The following SSU72 variants were observed in gnomAD, a reference collection of about 807,000 sequenced individuals.
SSU72 encodes SSU72 homolog, RNA polymerase II CTD phosphatase.
Under a neutral mutation model 22.7 loss-of-function variants are expected in SSU72, and 12 were observed. That is an observed-to-expected ratio of 0.53 (90% CI 0.34 to 0.86). The LOEUF is 0.86. SSU72 is among the 40% of genes least tolerant of loss of function. SSU72 has a pLI of 0.02. For synonymous variants in SSU72, 116 were observed against 98.3 expected (o/e 1.18, Z -1.06); for missense variants, 151 against 249.8 (o/e 0.60, Z 2.67).
chr1:1,557,155 G>A (rs1461372609), intron 2 of SSU72, among the ~76,000 whole-genome samples: 1 of 152,202 alleles, frequency 6.6e-6, no homozygotes, highest in Non-Finnish European at 1.5e-5. Context: ...GCTCACACCT[G>A]TAATCCCAGG....
At chr1:1,570,040 T>C (rs1486049670) in intron 1 of SSU72, among the ~76,000 whole-genome samples, 3 of 152,080 alleles carry the variant, frequency 2.0e-5, no homozygotes, top group African/African-American at 7.2e-5. Flanking sequence ...TTTCCCAGTG[T>C]AACAGAAAAG....
intron 2 of SSU72, among the ~76,000 whole-genome samples, chr1:1,546,977 C>T (rs1262835275): frequency 1.3e-5 from 2 of 151,320 alleles, no homozygotes; most frequent in Non-Finnish European, 2.9e-5. Context: ...TTGCAGTGAG[C>T]TGAGATCGTG....
intron 2 of SSU72, 58 bp from the exon 3 acceptor site, chr1:1,545,060 G>A (rs1039403873): frequency 5.1e-6 from 8 of 1,578,030 alleles, no homozygotes; most frequent in Non-Finnish European, 2.6e-6. Flanking sequence ...AAGCCTGGAA[G>A]CGCCTGTGTC....
intron 2 of SSU72, chr1:1,563,537 C>CAAAAAAAA (rs59029136): frequency 1.5e-5 from 1 of 64,866 alleles, no homozygotes; most frequent in Non-Finnish European, 3.2e-5. Flanking sequence ...GACTCCATCT[C>CAAAAAAAA]AAAAAAAAAA....
intron 1 of SSU72, among the ~76,000 whole-genome samples, chr1:1,572,742 C>G (rs953883642): frequency 6.6e-6 from 1 of 151,416 alleles, no homozygotes; most frequent in Non-Finnish European, 1.5e-5. Context: ...CAGGTGTGAG[C>G]CACTGCGCCC....
chr1:1,544,475 G>C (rs1012970523), intron 3 of SSU72, among the ~76,000 whole-genome samples: 22 of 152,158 alleles, frequency 1.4e-4, no homozygotes, highest in Non-Finnish European at 2.6e-4. Flanking sequence ...AAAATCAGCT[G>C]GGTGTGGTGG....
chr1:1,543,615 C>T (rs1376975283), intron 4 of SSU72, among the ~76,000 whole-genome samples: 1 of 152,118 alleles, frequency 6.6e-6, no homozygotes, highest in Admixed American at 6.5e-5. Flanking sequence ...GTCACGGCCT[C>T]GGCCACTCCC....
intron 1 of SSU72, among the ~76,000 whole-genome samples, chr1:1,565,448 AACTGAAAGGACTG>A (rs1269744542): frequency 6.6e-6 from 1 of 152,186 alleles, no homozygotes; most frequent in African/African-American, 2.4e-5. Context: ...CTTTACTTTA[AACTGAAAGGACTG>A]ACTGATGTGG....
chr1:1,561,565 T>TGCACCC (rs1424565771), intron 2 of SSU72: 1 of 152,302 alleles, frequency 6.6e-6, no homozygotes, highest in African/African-American at 2.4e-5. Flanking sequence ...GCGGCCCCCC[T>TGCACCC]GCACCCATCA....
At chr1:1,564,984 G>C in intron 1 of SSU72, 68 bp from the exon 2 acceptor site, 2 of 1,519,368 alleles carry the variant, frequency 1.3e-6, no homozygotes, top group East Asian at 2.3e-5. Flanking sequence ...GCAAGGGACA[G>C]CAAATGGGAT....
chr1:1,571,102 G>A (rs1225803631), intron 1 of SSU72, among the ~76,000 whole-genome samples: 3 of 152,092 alleles, frequency 2.0e-5, no homozygotes, highest in Non-Finnish European at 4.4e-5. Context: ...AAAATTAGCC[G>A]GGCGTGGTAG....
At position 1,554,153 on chromosome 1, in the gene SSU72, C is replaced by T. The variant is rs544980191; in HGVS notation, c.225-9151G>A. On this transcript the variant is annotated intron_variant, in intron 2 of 4. Transcript: ENST00000291386. The surrounding 1 kb of genome is among the most constrained non-coding windows in gnomAD (Gnocchi z 4.1). The stretch of plus-strand genomic sequence containing the variant: ...CATCAGCAAAAAGTGAAGCTGAGCA[C>T]GAGGCGGATCCGGACCACTAAGGGG... 4.6e-5 allele frequency among the ~76,000 whole-genome samples: 7 copies of T among 150,576 alleles called. No homozygotes were observed. Among genetic ancestry groups the T allele is most frequent in the South Asian group, 2.1e-4 (1 of 4,780 alleles).
At chr1:1,565,131 CGG>C (rs1557504607) in intron 1 of SSU72, among the ~76,000 whole-genome samples, 2 of 151,664 alleles carry the variant, frequency 1.3e-5, no homozygotes, top group African/African-American at 4.8e-5. Flanking sequence ...TGAAGGCAGG[CGG>C]ATCATGAAGG....
chr1:1,545,461 A>C (rs1642378744), intron 2 of SSU72: 1 of 162,254 alleles, frequency 6.2e-6, no homozygotes, highest in African/African-American at 2.4e-5. Context: ...CCGGAAACCC[A>C]GTCCCCAGTC....
chr1:1,560,105 C>T (rs368359509), intron 2 of SSU72, among the ~76,000 whole-genome samples: 3 of 152,180 alleles, frequency 2.0e-5, no homozygotes, highest in Non-Finnish European at 4.4e-5. Flanking sequence ...CCACCTGCCT[C>T]GGTCTCCCAG....
At chr1:1,545,291 A>G in intron 2 of SSU72, 1 of 412,856 alleles carries the variant, frequency 2.4e-6, no homozygotes. Context: ...CCAGCATGAC[A>G]CCTTCTACCC....
intron 2 of SSU72, among the ~76,000 whole-genome samples, chr1:1,556,591 A>G (rs1642524462): frequency 6.6e-6 from 1 of 152,130 alleles, no homozygotes. Flanking sequence ...TTGGCAAAGC[A>G]CAGAGGCTGC....
chr1:1,561,088 CTTTT>C (rs1331511254), intron 2 of SSU72: 13 of 150,904 alleles, frequency 8.6e-5, no homozygotes, highest in African/African-American at 2.4e-4. Context: ...ACTGTCCTTC[CTTTT>C]TTATTTTTTT....
Position 1,541,693 on chromosome 1 carries a change from T to C in SSU72, c.*373A>G, listed in dbSNP as rs1448903871. 4.2e-6 allele frequency: 1 copy of C among 236,186 alleles called. No homozygotes were observed. The highest frequency in any genetic ancestry group is 8.5e-6 in the Non-Finnish European group (1 of 117,862). 14.6% of individuals were successfully genotyped at this position (236,186 alleles called of 1,614,324 possible). A position where few individuals can be genotyped will look rare whatever the true frequency, so the allele number is the denominator to read the frequency against. On this transcript the variant is annotated 3_prime_UTR_variant, in exon 5 of 5. Coordinates refer to ENST00000291386, the MANE Select transcript of SSU72 (RefSeq NM_014188.3). ...CACAATGACAGCAGCATCTGTTTATTGACAATTCCAGGTCATTCCTAACAC... is the reference window on the plus strand; with the variant it reads ...CACAATGACAGCAGCATCTGTTTATCGACAATTCCAGGTCATTCCTAACAC...
Sources: gnomAD v4.1 joint callset for allele counts (sites outside exome capture counted in the v4.1 genomes callset) on GRCh38, gnomAD v4.1.1 for gene constraint, Gnocchi (gnomAD v3.1) non-coding constraint, MANE v1.5 for transcripts, NCBI Gene and HGNC (gene_info 2026-07-23, HGNC 2026-07-21) for gene names.